Variants in SLC14A2 observed in about 807,000 individuals in gnomAD.
The protein encoded by SLC14A2 is urea transporter 2.
In SLC14A2, 91 loss-of-function variants were observed where a neutral mutation model predicts 104.6. That is an observed-to-expected ratio of 0.87 (90% CI 0.73 to 1.04). The LOEUF (loss-of-function observed/expected upper bound fraction) is 1.04. SLC14A2 is among the 50% of genes least tolerant of loss of function. The probability of loss-of-function intolerance (pLI) is 0.00; values close to 1 mark genes in which losing one functional copy is unlikely to be tolerated. For missense variants in SLC14A2, 1,189 were observed against 1,156.0 expected, an observed-to-expected ratio of 1.03 and a Z score of -0.41; for synonymous variants, 476 against 466.4, an observed-to-expected ratio of 1.02 and a Z score of -0.27.
chr18:45,523,248 T>G (rs1234441519), intron 2 of SLC14A2, among the ~76,000 whole-genome samples: 3 of 151,994 alleles, frequency 2.0e-5, no homozygotes, highest in African/African-American at 7.2e-5. Flanking sequence ...CCAGACACCT[T>G]GAGATGTGGA....
intron 1 of SLC14A2, among the ~76,000 whole-genome samples, chr18:45,295,999 T>C (rs2084915068): frequency 6.6e-6 from 1 of 152,132 alleles, no homozygotes; most frequent in Non-Finnish European, 1.5e-5. Flanking sequence ...CTCAATCCGG[T>C]AGGTAGTGAG....
At chr18:45,254,774 C>T (rs1010692012) in intron 1 of SLC14A2, among the ~76,000 whole-genome samples, 10 of 152,056 alleles carry the variant, frequency 6.6e-5, no homozygotes, top group African/African-American at 2.2e-4. Context: ...CCTGGGTTTC[C>T]GTTTGCAGCA....
intron 2 of SLC14A2, among the ~76,000 whole-genome samples, chr18:45,589,533 CTTT>C (rs775689932): frequency 1.4e-5 from 2 of 142,386 alleles, no homozygotes; most frequent in Non-Finnish European, 3.2e-5. Context: ...CCCCACTCCC[CTTT>C]TTTTATTTGG....
chr18:45,619,026 T>C (rs904671471), intron 1 of SLC14A2, among the ~76,000 whole-genome samples: 15 of 152,228 alleles, frequency 9.9e-5, no homozygotes, highest in South Asian at 2.1e-4. Context: ...TTGGAAGAAT[T>C]TGGGTCCAAA....
intron 2 of SLC14A2, among the ~76,000 whole-genome samples, chr18:45,567,682 G>A (rs1466199789): frequency 6.6e-6 from 1 of 152,066 alleles, no homozygotes; most frequent in African/African-American, 2.4e-5. Context: ...CGTCAAGCAA[G>A]CCGCCCACCT....
intron 1 of SLC14A2, among the ~76,000 whole-genome samples, chr18:45,256,110 C>G (rs919724246): frequency 6.6e-6 from 1 of 152,168 alleles, no homozygotes. Context: ...ACCCCTATCC[C>G]CAGGGTACTT....
At chr18:45,630,609 C>A (rs1357040003) in intron 4 of SLC14A2, among the ~76,000 whole-genome samples, 2 of 152,216 alleles carry the variant, frequency 1.3e-5, no homozygotes, top group Non-Finnish European at 2.9e-5. Flanking sequence ...ACACTCTCCA[C>A]AGGGTGGGAC....
intron 2 of SLC14A2, among the ~76,000 whole-genome samples, chr18:45,501,568 G>A (rs2043199915): frequency 6.6e-6 from 1 of 152,204 alleles, no homozygotes; most frequent in South Asian, 2.1e-4. Context: ...CAGGGTGCAG[G>A]TGAAGGACAT....
Position 45,632,473 on chromosome 18 carries a change from G to A in SLC14A2, c.645G>A (p.Met215Ile), listed in dbSNP as rs1370566073. 1.2e-6 allele frequency: 2 copies of A among 1,613,492 alleles called. No individual in the cohort carries two copies. Among genetic ancestry groups the A allele is most frequent in the East Asian group, 4.5e-5 (2 of 44,870 alleles). The change falls in exon 5 of 20, where the codon ATG becomes ATA. Residue 215 changes from methionine to isoleucine, a missense_variant. Met to Ile is a conservative substitution (Grantham distance 10). Transcript: ENST00000255226. ...WLLFPVTFTAMSCPVLSSALN... is the reference protein window; with the variant it reads ...WLLFPVTFTAISCPVLSSALN... Reference sequence around the variant, plus strand: ...TGTTTCCTGTGACCTTCACAGCCATGTCCTGGTGAGGCACCTCATTTTTTC... The same window carrying A: ...TGTTTCCTGTGACCTTCACAGCCATATCCTGGTGAGGCACCTCATTTTTTC...
chr18:45,566,543 A>G lies in SLC14A2; in HGVS notation c.-34-58088A>G, dbSNP rs547238408. ...CACACACACACACACACACACACAC[A>G]CACAGTGTCCACATCACTGCTCACC... On this transcript the variant is annotated intron_variant, in intron 2 of 20. Transcript: ENST00000586448. Among the ~76,000 whole-genome samples, 4 of 124,126 alleles carry G rather than the reference A, an allele frequency of 3.2e-5. No homozygotes were observed. In the South Asian group the frequency reaches 8.6e-4, roughly 27 times the overall value. 81.4% of individuals were successfully genotyped at this position (124,126 alleles called of 152,430 possible). A position where few individuals can be genotyped will look rare whatever the true frequency, so the allele number is the denominator to read the frequency against.
chr18:45,268,964 T>TGTGTGTGTGTGTGTGTG (rs2084621690), intron 1 of SLC14A2, among the ~76,000 whole-genome samples: 2 of 143,466 alleles, frequency 1.4e-5, no homozygotes, highest in South Asian at 2.2e-4. Context: ...GTTGGTGTGT[T>TGTGTGTGTGTGTGTGTG]TGTGTGTGTG....
intron 2 of SLC14A2, among the ~76,000 whole-genome samples, chr18:45,498,722 C>T (rs930224268): frequency 6.6e-5 from 10 of 152,176 alleles, no homozygotes; most frequent in Non-Finnish European, 1.0e-4. Context: ...GTCTTCCTCC[C>T]ATTTTAAGGG....
At chr18:45,214,288 C>T (rs919193080) in intron 1 of SLC14A2, among the ~76,000 whole-genome samples, 11 of 152,168 alleles carry the variant, frequency 7.2e-5, no homozygotes, top group Non-Finnish European at 1.5e-4. Context: ...CAGTTGAATG[C>T]TCAAGTTTGC....
intron 1 of SLC14A2, among the ~76,000 whole-genome samples, chr18:45,394,908 T>C (rs768221779): frequency 1.1e-4 from 17 of 152,286 alleles, no homozygotes; most frequent in African/African-American, 1.4e-4. Flanking sequence ...AAAATCAGTA[T>C]GCAGGCTCCT....
intron 1 of SLC14A2, among the ~76,000 whole-genome samples, chr18:45,274,832 C>A (rs575197417): frequency 1.3e-5 from 2 of 152,346 alleles, no homozygotes; most frequent in African/African-American, 4.8e-5. Context: ...TTGAACACAT[C>A]CAAGTCTCCC....
chr18:45,349,464 G>A (rs1315285051), intron 1 of SLC14A2, among the ~76,000 whole-genome samples: 1 of 152,092 alleles, frequency 6.6e-6, no homozygotes, highest in East Asian at 1.9e-4. Flanking sequence ...TGATTGGCTG[G>A]CCACATTCCA....
At chr18:45,409,488 C>T (rs2542967) in intron 1 of SLC14A2, among the ~76,000 whole-genome samples, 151,092 of 152,280 alleles carry the variant, frequency 0.99, 74,967 homozygotes, top group Middle Eastern at 1. Flanking sequence ...AACCTTTTGG[C>T]ATCCATAATT....
intron 10 of SLC14A2, among the ~76,000 whole-genome samples, chr18:45,651,692 A>G (rs1409273703): frequency 6.6e-6 from 1 of 152,134 alleles, no homozygotes; most frequent in African/African-American, 2.4e-5. Context: ...CCAATTCCCA[A>G]CGTTCTGTGA....
chr18:45,496,181 T>A (rs949374103), intron 2 of SLC14A2, among the ~76,000 whole-genome samples: 1 of 152,232 alleles, frequency 6.6e-6, no homozygotes, highest in African/African-American at 2.4e-5. Context: ...CTTAATTTCA[T>A]TCAGTGCTCA....
Sources: allele counts gnomAD v4.1 joint callset (sites outside exome capture counted in the v4.1 genomes callset), GRCh38; gene constraint gnomAD v4.1.1; transcripts MANE v1.5; gene names NCBI Gene and HGNC (gene_info 2026-07-23, HGNC 2026-07-21).